Variants in USP19 observed in about 807,000 individuals in gnomAD.
USP19 encodes the protein ubiquitin specific peptidase 19.
A neutral mutation model predicts 144.8 loss-of-function variants in USP19; 40 were observed. The ratio of observed to expected loss-of-function variants is 0.28; its 90% CI spans 0.21 to 0.36. The LOEUF is 0.36. USP19 is among the 10% of genes least tolerant of loss of function. USP19 has a pLI of 1.00. For synonymous variants in USP19, 701 were observed against 709.3 expected (o/e 0.99, Z 0.19); for missense variants, 1,518 against 1,822.5 (o/e 0.83, Z 3.04).
At chr3:49,109,701 G>A (rs1471459750) in intron 26 of USP19, among the ~76,000 whole-genome samples, 1 of 152,216 alleles carries the variant, frequency 6.6e-6, no homozygotes, top group Non-Finnish European at 1.5e-5. Context: ...TGTCACTAAA[G>A]AGAAGATCCT....
At position 49,113,988 on chromosome 3, in the gene USP19, A is replaced by G. The variant is rs746290669; in HGVS notation, c.2505+4T>C. On this transcript the variant is annotated splice_donor_region_variant and intron_variant, in intron 17 of 26. Coordinates refer to ENST00000417901, the MANE Select transcript of USP19 (RefSeq NM_001199161.2). Reference sequence around the variant, plus strand: ...TGTGATAGCCCAAGGAAGGACAAAGATACCTCCGCCAAACGCAGGTTCTCA... The same window carrying G: ...TGTGATAGCCCAAGGAAGGACAAAGGTACCTCCGCCAAACGCAGGTTCTCA... The G allele has an allele frequency of 6.2e-7, 1 of 1,613,914 alleles. No homozygotes were observed. The highest frequency in any genetic ancestry group is 1.3e-5 in the African/African-American group (1 of 74,928).
intron 1 of USP19, 43 bp from the exon 2 acceptor site, chr3:49,119,324 T>C: frequency 1.3e-6 from 1 of 763,572 alleles, no homozygotes; most frequent in Admixed American, 3.1e-5. Flanking sequence ...ACCCAACAAC[T>C]TGCTCTTTAG....
chr3:49,113,620 CAG>C (rs1317038403), intron 17 of USP19, among the ~76,000 whole-genome samples: 1 of 151,724 alleles, frequency 6.6e-6, no homozygotes. Flanking sequence ...ATTTTTGAGA[CAG>C]AGTCTCACTC....
In USP19 at chr3:49,108,443, G is replaced by T; in HGVS notation, c.4124C>A (p.Pro1375His). 1 of 1,373,756 alleles carries T rather than the reference G, an allele frequency of 7.3e-7. No homozygotes were observed. The highest frequency in any genetic ancestry group is 9.5e-7 in the Non-Finnish European group (1 of 1,051,834). 85.1% of individuals were successfully genotyped at this position (1,373,756 alleles called of 1,614,324 possible). The change falls in exon 27 of 27, where the codon CCC (proline) becomes CAC (histidine). Residue 1375 changes from proline to histidine, a missense_variant. Transcript: ENST00000417901. The surrounding 1 kb of genome is among the most constrained non-coding windows in gnomAD (Gnocchi z 4.8). ...CACCTCCTCCATGTTGCTGTAGGTG[G>T]GGGCTGGCCGATCCACAGGGGGGGC... ...RFAPPVDRPA[P>H]TYSNMEEVD
In USP19 at chr3:49,119,022, C is replaced by T; in HGVS notation, c.124G>A (p.Glu42Lys). The T allele has an allele frequency of 6.2e-7, 1 of 1,613,966 alleles. No homozygotes were observed. The highest frequency in any genetic ancestry group is 8.5e-7 in the Non-Finnish European group (1 of 1,179,910). Reference sequence around the variant, plus strand: ...ATTACTCTGGGAATGCCACTCCCACCTTTCCTAGGATCTCCATCCTTGCTC... The same window carrying T: ...ATTACTCTGGGAATGCCACTCCCACTTTTCCTAGGATCTCCATCCTTGCTC... ...QESKDGDPRK[E>K]TGSRYVAQAG... Residue 42 changes from glutamate to lysine, a missense_variant and splice_region_variant, in exon 2 of 27, where the codon GAG becomes AAG. This residue lies in a region of USP19 where 707 missense variants were observed against 728.9 expected (regional missense o/e 0.97). Transcript: ENST00000417901.
At position 49,114,289 on chromosome 3, in the gene USP19, G is replaced by C; in HGVS notation, c.2293-5C>G. On this transcript the variant is annotated splice_region_variant and splice_polypyrimidine_tract_variant and intron_variant, in intron 15 of 26. Coordinates refer to ENST00000417901, the MANE Select transcript of USP19 (RefSeq NM_001199161.2). This position sits in a 1 kb window ranked among gnomAD's most constrained non-coding sequence, Gnocchi z 4.5. The stretch of plus-strand genomic sequence containing the variant: ...CGGGTCAAAAGTGATGGAGACCTGT[G>C]GATGTAGAGGTGGCACTGGGTAGCT... The C allele has an allele frequency of 6.2e-7, 1 of 1,613,534 alleles. No individual in the cohort carries two copies. Among genetic ancestry groups the C allele is most frequent in the Non-Finnish European group, 8.5e-7 (1 of 1,179,488 alleles).
chr3:49,114,157 A>AG lies in USP19; in HGVS notation c.2403+16dup. On this transcript the variant is annotated intron_variant, in intron 16 of 26. Transcript: ENST00000417901. This position sits in a 1 kb window ranked among gnomAD's most constrained non-coding sequence, Gnocchi z 4.5. The stretch of plus-strand genomic sequence containing the variant: ...CGTTCTCTAGAACAGCCCAGAGGGT[A>AG]GGGGCTTACTCCTCACCTTGATGGG... 1 of 1,614,030 alleles carries AG rather than the reference A, an allele frequency of 6.2e-7. No homozygotes were observed. The highest frequency in any genetic ancestry group is 8.5e-7 in the Non-Finnish European group (1 of 1,179,880).
At position 49,110,609 on chromosome 3, in the gene USP19, A is replaced by C. The variant is rs771901827; in HGVS notation, c.3699-5T>G. ...AACTTGCTCAGGTCCAGGTTCCTGC[A>C]GGTCAGGTCCAGTCAGGGAGGGGTG... On this transcript the variant is annotated splice_polypyrimidine_tract_variant and splice_region_variant and intron_variant, in intron 24 of 26. Coordinates refer to ENST00000417901, the MANE Select transcript of USP19 (RefSeq NM_001199161.2). This position sits in a 1 kb window ranked among gnomAD's most constrained non-coding sequence, Gnocchi z 6.1. 6.2e-7 allele frequency: 1 copy of C among 1,613,764 alleles called. No homozygotes were observed. The highest frequency in any genetic ancestry group is 8.5e-7 in the Non-Finnish European group (1 of 1,179,910).
rs1004408666 is a variant in USP19, at chr3:49,112,881, C to T, written c.2506-252G>A. 4.6e-5 allele frequency among the ~76,000 whole-genome samples: 7 copies of T among 152,176 alleles called. No homozygotes were observed. The highest frequency in any genetic ancestry group is 1.7e-4 in the African/African-American group (7 of 41,430). On this transcript the variant is annotated intron_variant, in intron 17 of 26. Coordinates refer to ENST00000417901, the MANE Select transcript of USP19 (RefSeq NM_001199161.2). The surrounding 1 kb of genome is among the most constrained non-coding windows in gnomAD (Gnocchi z 4.9). ...CACACCAGCTCTCCACACTGAGGGA[C>T]TCTGCCCTGCTATAACTAGCATAGC... is the stretch of plus-strand genomic sequence containing the variant.
chr3:49,112,245 G>T lies in USP19; in HGVS notation c.2765+39C>A, dbSNP rs1273921391. ...GAAGGAGCAGGGTGGCACATGGAAG[G>T]TGGAAAGAAAGGGTAGGGGAGACCA... is the stretch of plus-strand genomic sequence containing the variant. On this transcript the variant is annotated intron_variant, in intron 19 of 26. Coordinates refer to ENST00000417901, the MANE Select transcript of USP19 (RefSeq NM_001199161.2). This position sits in a 1 kb window ranked among gnomAD's most constrained non-coding sequence, Gnocchi z 4.9. 1.3e-6 allele frequency: 2 copies of T among 1,577,498 alleles called. No individual in the cohort carries two copies. Among genetic ancestry groups the T allele is most frequent in the Admixed American group, 1.9e-5 (1 of 53,890 alleles).
At position 49,108,308 on chromosome 3, in the gene USP19, T is replaced by G. The variant is rs3212; in HGVS notation, c.*104A>C. The G allele has an allele frequency of 6.2e-6, 2 of 323,254 alleles. No individual in the cohort carries two copies. Among genetic ancestry groups the G allele is most frequent in the Non-Finnish European group, 1.2e-5 (2 of 169,042 alleles). 20.0% of individuals were successfully genotyped at this position (323,254 alleles called of 1,614,324 possible). On this transcript the variant is annotated 3_prime_UTR_variant, in exon 27 of 27. Transcript: ENST00000417901. This position sits in a 1 kb window ranked among gnomAD's most constrained non-coding sequence, Gnocchi z 4.8. ...CCAAATCATACCCCTCAGCTTCCCATTGACAGAGCCAGTGTCCTCTGGGTT... is the reference window on the plus strand; with the variant it reads ...CCAAATCATACCCCTCAGCTTCCCAGTGACAGAGCCAGTGTCCTCTGGGTT...
chr3:49,120,160 G>A (rs1223585222), intron 1 of USP19, among the ~76,000 whole-genome samples: 1 of 152,166 alleles, frequency 6.6e-6, no homozygotes, highest in African/African-American at 2.4e-5. Context: ...AGGCTGGGGA[G>A]GACCACAGAT....
In USP19 at chr3:49,112,341, G is replaced by A. The variant is rs781606184; in HGVS notation, c.2708C>T (p.Ser903Leu). 18 of 1,613,872 alleles carry A rather than the reference G, an allele frequency of 1.1e-5. No homozygotes were observed. Among genetic ancestry groups the A allele is most frequent in the Admixed American group, 3.3e-5 (2 of 59,990 alleles). The change falls in exon 19 of 27, where the codon TCG becomes TTG. Residue 903 changes from serine (S) to leucine (L), a missense_variant. Physicochemically the swap from Ser to Leu is moderately radical, Grantham distance 145 (BLOSUM62 -2). Transcript: ENST00000417901. The surrounding 1 kb of genome is among the most constrained non-coding windows in gnomAD (Gnocchi z 4.9). ...ACAGCGCTTCAGCTTTTCATCCTCC[G>A]ACTGTTGCTTCCGCTGGCAGGCTGC... Reference protein sequence around the residue: ...KCAACQRKQQSEDEKLKRCTR... With the variant: ...KCAACQRKQQLEDEKLKRCTR...
At chr3:49,118,937 A>T in intron 2 of USP19, 85 bp downstream of exon 2, 2 of 1,582,374 alleles carry the variant, frequency 1.3e-6, no homozygotes, top group Non-Finnish European at 1.7e-6. Flanking sequence ...GAAGAACAAG[A>T]AAGTCATCTC....
At position 49,115,552 on chromosome 3, in the gene USP19, C is replaced by A; in HGVS notation, c.1780G>T (p.Val594Leu). ...VEEEEEEEKK[V>L]CLPGFTGLVN... ...AGGCCAGTGAAGCCTGGCAGACACA[C>A]CTTCTTCTCTTCCTCTTCCTCCTCC... Residue 594 changes from valine to leucine, a missense_variant, in exon 12 of 27, where the codon GTG becomes TTG. Around this residue, in one of 5 missense-constraint regions of USP19, gnomAD observed 158 missense variants for 277.3 expected, o/e 0.57. Transcript: ENST00000417901. The surrounding 1 kb of genome is among the most constrained non-coding windows in gnomAD (Gnocchi z 6.6). 6.2e-7 allele frequency: 1 copy of A among 1,614,094 alleles called. No homozygotes were observed. The highest frequency in any genetic ancestry group is 8.5e-7 in the Non-Finnish European group (1 of 1,179,982).
chr3:49,120,184 C>T (rs1264276675), intron 1 of USP19, among the ~76,000 whole-genome samples: 1 of 152,228 alleles, frequency 6.6e-6, no homozygotes, highest in Non-Finnish European at 1.5e-5. Context: ...GGACTCCTGG[C>T]AGCCTCAAGC....
Position 49,111,601 on chromosome 3 carries a change from C to T in USP19, c.3116G>A (p.Gly1039Asp). The change falls in exon 21 of 27, where the codon GGT becomes GAT. Residue 1039 changes from glycine to aspartate, a missense_variant. This residue lies in a region of USP19 where 413 missense variants were observed against 515.8 expected (regional missense o/e 0.80). Transcript: ENST00000417901. The surrounding 1 kb of genome is among the most constrained non-coding windows in gnomAD (Gnocchi z 5.9). ...LPRVWAAPDR[G>D]PVPSTSGISS... ...AATTCCACTGGTGCTGGGCACAGGA[C>T]CCCGGTCAGGGGCTGCCCACACCCG... 6.2e-7 allele frequency: 1 copy of T among 1,612,402 alleles called. No homozygotes were observed. The highest frequency in any genetic ancestry group is 8.5e-7 in the Non-Finnish European group (1 of 1,179,590).
rs375223359 is a variant in USP19, at chr3:49,119,162, G to A, written c.-17C>T. The A allele has an allele frequency of 2.7e-5, 43 of 1,607,426 alleles. No individual in the cohort carries two copies. The Middle Eastern group carries it at 8.2e-4, about 31-fold the overall frequency. On this transcript the variant is annotated 5_prime_UTR_variant, in exon 2 of 27. Coordinates refer to ENST00000417901, the MANE Select transcript of USP19 (RefSeq NM_001199161.2). ...GCCAGACATCTTGAGCCGCTTGGTC[G>A]ACAGCCAGAGTGCCCCGGGGTCGGC...
In USP19 at chr3:49,108,652, C is replaced by G; in HGVS notation, c.4039-124G>C. ...CCAAGGCAGGCGCAGACAGCAGCGG[C>G]GTTGAGACAGAGAGACGAGATTGGG... On this transcript the variant is annotated intron_variant, in intron 26 of 26. Transcript: ENST00000417901. The surrounding 1 kb of genome is among the most constrained non-coding windows in gnomAD (Gnocchi z 4.8). The G allele has an allele frequency of 2.4e-6, 3 of 1,273,086 alleles. No homozygotes were observed. The highest frequency in any genetic ancestry group is 3.0e-6 in the Non-Finnish European group (3 of 1,007,830). The allele number at this position is 1,273,086 out of a possible 1,614,324, so 78.9% of individuals were successfully genotyped here. A position where few individuals can be genotyped will look rare whatever the true frequency, so the allele number is the denominator to read the frequency against.
Sources: allele counts gnomAD v4.1 joint callset (sites outside exome capture counted in the v4.1 genomes callset), GRCh38; gene constraint gnomAD v4.1.1; regional missense constraint gnomAD v4.1.1; non-coding constraint Gnocchi (gnomAD v3.1); transcripts MANE v1.5; gene names NCBI Gene and HGNC (gene_info 2026-07-23, HGNC 2026-07-21).